TCF20: variants seen among roughly 807,000 people sequenced by gnomAD.
The protein encoded by TCF20 is SPRE-binding protein.
In TCF20, 3 loss-of-function variants were observed where a neutral mutation model predicts 148.6. That is an observed-to-expected ratio of 0.02 (90% confidence interval 0.01 to 0.05). The LOEUF is 0.05. TCF20 is among the 10% of genes least tolerant of loss of function. TCF20 has a pLI of 1.00. For missense variants in TCF20, 2,350 were observed against 2,429.3 expected, an observed-to-expected ratio of 0.97 and a Z score of 0.69; for synonymous variants, 1,049 against 909.5, an observed-to-expected ratio of 1.15 and a Z score of -2.76.
intron 1 of TCF20, among the ~76,000 whole-genome samples, chr22:42,318,747 C>G (rs1181751993): frequency 2.0e-5 from 3 of 152,234 alleles, no homozygotes; most frequent in African/African-American, 7.2e-5. Flanking sequence ...GCTGTCTCAG[C>G]TGCCACTGCT....
intron 1 of TCF20, among the ~76,000 whole-genome samples, chr22:42,315,454 A>G (rs770149154): frequency 1.3e-5 from 2 of 152,218 alleles, no homozygotes; most frequent in Non-Finnish European, 2.9e-5. Context: ...AAAGGAGGGC[A>G]GCCCAGGCAG....
At chr22:42,238,281 T>C (rs1924058389) in intron 1 of TCF20, among the ~76,000 whole-genome samples, 1 of 152,250 alleles carries the variant, frequency 6.6e-6, no homozygotes, top group Admixed American at 6.5e-5. Context: ...CTGCAGCTTC[T>C]TACTTTTTTC....
chr22:42,228,080 T>C (rs886812742), intron 1 of TCF20, among the ~76,000 whole-genome samples: 9 of 152,226 alleles, frequency 5.9e-5, no homozygotes, highest in African/African-American at 2.2e-4. Context: ...TGGAGGGTTT[T>C]AAACTATAGA....
intron 5 of TCF20, among the ~76,000 whole-genome samples, chr22:42,166,331 G>A (rs763010656): frequency 9.2e-5 from 14 of 152,214 alleles, no homozygotes; most frequent in Non-Finnish European, 1.6e-4. Flanking sequence ...GAGTTGGCCG[G>A]GCGCCGTGGC....
Position 42,212,267 on chromosome 22 carries a change from T to C in TCF20, c.3039A>G (p.Ala1013=). ...GRSPSQYHDF[A]EKLKMSPGRS... ...GCCCAGGAGACATTTTCAATTTTTC[T>C]GCAAAGTCATGATATTGAGAAGGGG... Residue 1013 remains alanine (A), a synonymous_variant, in exon 2 of 6, where the codon GCA becomes GCG. Coordinates refer to ENST00000677622, the MANE Select transcript of TCF20 (RefSeq NM_001378418.1). 1 of 1,614,178 alleles carries C rather than the reference T, an allele frequency of 6.2e-7. No homozygotes were observed. The highest frequency in any genetic ancestry group is 8.5e-7 in the Non-Finnish European group (1 of 1,180,030).
At chr22:42,285,644 TA>T (rs1350512349), upstream of TCF20, among the ~76,000 whole-genome samples, 17 of 152,190 alleles carry the variant, frequency 1.1e-4, no homozygotes, top group Admixed American at 2.6e-4. This position sits in a 1 kb window ranked among gnomAD's most constrained non-coding sequence, Gnocchi z 4.2. Flanking sequence ...ATTATTATTT[TA>T]TTTTTTTTGT....
chr22:42,233,204 G>A (rs1923590585), intron 1 of TCF20, among the ~76,000 whole-genome samples: 1 of 152,024 alleles, frequency 6.6e-6, no homozygotes, highest in African/African-American at 2.4e-5. Flanking sequence ...TTACAGGTGT[G>A]AGCCATCACA....
At chr22:42,294,275 T>C (rs888778035) in intron 1 of TCF20, among the ~76,000 whole-genome samples, 4 of 152,158 alleles carry the variant, frequency 2.6e-5, no homozygotes, top group African/African-American at 7.2e-5. Flanking sequence ...CACCTGCCAA[T>C]CTCAGCCCGC....
chr22:42,231,431 A>C (rs1923387837), intron 1 of TCF20, among the ~76,000 whole-genome samples: 1 of 152,110 alleles, frequency 6.6e-6, no homozygotes, highest in Non-Finnish European at 1.5e-5. Context: ...ACAGGGAGCT[A>C]TGACTGTGCC....
At chr22:42,202,871 C>T (rs540187156) in intron 2 of TCF20, among the ~76,000 whole-genome samples, 1 of 152,348 alleles carries the variant, frequency 6.6e-6, no homozygotes, top group Admixed American at 6.5e-5. Context: ...TAACCACACA[C>T]CAGCTAAGGG....
intron 1 of TCF20, among the ~76,000 whole-genome samples, chr22:42,233,106 A>C (rs1207867800): frequency 6.6e-6 from 1 of 152,068 alleles, no homozygotes; most frequent in African/African-American, 2.4e-5. Context: ...TTTTTAGTAG[A>C]GGCGAGGTTT....
Position 42,210,621 on chromosome 22 carries a change from T to G in TCF20, c.4685A>C (p.Gln1562Pro). Reference sequence around the variant, plus strand: ...AGAACCTTCTGGTATCTGTGGGGGCTGAGGGGGTGGAGGCGGTGGCTGCTG... The same window carrying G: ...AGAACCTTCTGGTATCTGTGGGGGCGGAGGGGGTGGAGGCGGTGGCTGCTG... ...KQQQPPPPPPQPPQIPEGSAD... is the reference protein window; with the variant it reads ...KQQQPPPPPPPPPQIPEGSAD... Residue 1562 changes from glutamine to proline, a missense_variant, in exon 2 of 6, where the codon CAG becomes CCG. Coordinates refer to ENST00000677622, the MANE Select transcript of TCF20 (RefSeq NM_001378418.1). This position sits in a 1 kb window ranked among gnomAD's most constrained non-coding sequence, Gnocchi z 4.7. 6.2e-7 allele frequency: 1 copy of G among 1,614,068 alleles called. No individual in the cohort carries two copies. The highest frequency in any genetic ancestry group is 8.5e-7 in the Non-Finnish European group (1 of 1,179,914).
intron 1 of TCF20, among the ~76,000 whole-genome samples, chr22:42,316,864 C>T (rs1417902632): frequency 6.6e-6 from 1 of 152,220 alleles, no homozygotes; most frequent in Non-Finnish European, 1.5e-5. Context: ...GAAGCTGACA[C>T]TGGCAGAACT....
chr22:42,313,535 T>C (rs113143477), intron 1 of TCF20, among the ~76,000 whole-genome samples: 5 of 152,132 alleles, frequency 3.3e-5, no homozygotes, highest in African/African-American at 1.2e-4. Flanking sequence ...TCTGGGGTTC[T>C]GTTAGGACCC....
chr22:42,163,954 C>T (rs73429681), intron 5 of TCF20, among the ~76,000 whole-genome samples: 6 of 152,250 alleles, frequency 3.9e-5, no homozygotes, highest in East Asian at 1.9e-4. Context: ...GGCCTGAACC[C>T]GGGACGCCAT....
intron 2 of TCF20, among the ~76,000 whole-genome samples, chr22:42,180,039 C>A (rs1232849778): frequency 3.9e-5 from 6 of 152,144 alleles, no homozygotes; most frequent in African/African-American, 1.4e-4. Flanking sequence ...CACACTATGC[C>A]AGGCATTTCC....
intron 1 of TCF20, among the ~76,000 whole-genome samples, chr22:42,235,141 C>CAAAAAAA: frequency 9.2e-6 from 1 of 109,254 alleles, no homozygotes; most frequent in Non-Finnish European, 1.8e-5. Context: ...GACTCTGTCT[C>CAAAAAAA]AAAAAAAAAA....
At chr22:42,228,177 G>C (rs1429039889) in intron 1 of TCF20, among the ~76,000 whole-genome samples, 1 of 152,192 alleles carries the variant, frequency 6.6e-6, no homozygotes, top group African/African-American at 2.4e-5. Context: ...ACAGAGCAGG[G>C]AATTAGTTAG....
At chr22:42,249,542 TAA>T (rs1925195012) in intron 1 of TCF20, among the ~76,000 whole-genome samples, 2 of 152,194 alleles carry the variant, frequency 1.3e-5, no homozygotes, top group African/African-American at 4.8e-5. Context: ...TGGCGAAAGA[TAA>T]AAGTTTAAAA....
Sources: gnomAD v4.1 joint callset for allele counts (sites outside exome capture counted in the v4.1 genomes callset) on GRCh38, gnomAD v4.1.1 for gene constraint, Gnocchi (gnomAD v3.1) non-coding constraint, MANE v1.5 for transcripts, NCBI Gene and HGNC (gene_info 2026-07-23, HGNC 2026-07-21) for gene names.